TSPAN32: variants seen among roughly 807,000 people sequenced by gnomAD.
TSPAN32 encodes tetraspanin-32.
TSPAN32 carries 47 observed loss-of-function variants against 42.7 expected under a neutral mutation model. The ratio of observed to expected loss-of-function variants is 1.10; its 90% CI spans 0.87 to 1.40. The LOEUF (loss-of-function observed/expected upper bound fraction) is 1.40, where lower values mean the gene tolerates loss of function less well. TSPAN32 is among the 40% of genes most tolerant of loss of function. The probability of loss-of-function intolerance (pLI) is 0.00; values close to 1 mark genes in which losing one functional copy is unlikely to be tolerated. For synonymous variants in TSPAN32, 175 were observed against 175.9 expected, an observed-to-expected ratio of 0.99 and a Z score of 0.04; for missense variants, 469 against 424.1, an observed-to-expected ratio of 1.11 and a Z score of -0.93.
Position 2,317,616 on chromosome 11 carries a change from A to C in TSPAN32, c.901+91A>C. 1 of 1,498,310 alleles carries C rather than the reference A, an allele frequency of 6.7e-7. No individual in the cohort carries two copies. Among genetic ancestry groups the C allele is most frequent in the South Asian group, 1.3e-5 (1 of 78,454 alleles). The allele number at this position is 1,498,310 out of a possible 1,614,324, so 92.8% of individuals were successfully genotyped here. Reference sequence around the variant, plus strand: ...GAAGGGAGTGAAGGCCCAGCCAGAGAGCCAGGCTCCATTGGGAACAGATGC... The same window carrying C: ...GAAGGGAGTGAAGGCCCAGCCAGAGCGCCAGGCTCCATTGGGAACAGATGC... On this transcript the variant is annotated intron_variant, in intron 9 of 9. Coordinates refer to ENST00000182290, the MANE Select transcript of TSPAN32 (RefSeq NM_139022.3). The surrounding 1 kb of genome is among the most constrained non-coding windows in gnomAD (Gnocchi z 6.2).
intron 6 of TSPAN32, chr11:2,315,279 G>A (rs1380115943): frequency 1.7e-6 from 2 of 1,188,974 alleles, no homozygotes; most frequent in Non-Finnish European, 2.1e-6. Flanking sequence ...AAGAAACAGA[G>A]GGGAGGAGAG....
rs1410759569 is a variant in TSPAN32, at chr11:2,313,622, G to A, written c.355-32G>A. The A allele has an allele frequency of 6.4e-7, 1 of 1,560,254 alleles. No homozygotes were observed. On this transcript the variant is annotated intron_variant, in intron 4 of 9. Transcript: ENST00000182290. The surrounding 1 kb of genome is among the most constrained non-coding windows in gnomAD (Gnocchi z 9.1). ...GCTGTGTCCCCGGATCTCCCACCAG[G>A]GCCAGGACCTCCCTGTGGTCTCTCG...
intron 6 of TSPAN32, chr11:2,315,880 G>C (rs939291775): frequency 7.0e-7 from 1 of 1,425,480 alleles, no homozygotes; most frequent in African/African-American, 1.4e-5. Flanking sequence ...TGCTGTGCCC[G>C]GCCCTGGGCT....
In TSPAN32 at chr11:2,316,603, C is replaced by T; in HGVS notation, c.655C>T (p.Leu219=). ...GTCCGCCTTGCTCTTCAGCTCCTTC[C>T]TGTGGTTTGCCATCCGCTGTGGCTG... ...TVSALLFSSF[L]WFAIRCGCSL... Residue 219 remains leucine (L), a synonymous_variant, in exon 8 of 10, where the codon CTG becomes TTG. Transcript: ENST00000182290. 6.4e-7 allele frequency: 1 copy of T among 1,560,684 alleles called. No individual in the cohort carries two copies. Among genetic ancestry groups the T allele is most frequent in the Non-Finnish European group, 8.7e-7 (1 of 1,151,142 alleles).
At chr11:2,308,098 G>C (rs1441980290) in intron 3 of TSPAN32, among the ~76,000 whole-genome samples, 3 of 152,160 alleles carry the variant, frequency 2.0e-5, no homozygotes. Flanking sequence ...CTTCTCAGGG[G>C]TGCCCTGCCC....
chr11:2,308,234 A>G (rs1848225945), intron 3 of TSPAN32, among the ~76,000 whole-genome samples: 5 of 152,092 alleles, frequency 3.3e-5, no homozygotes. Flanking sequence ...CCACGCACCC[A>G]GCGCCCACGC....
In TSPAN32 at chr11:2,304,995, G is replaced by T. The variant is rs1269069408; in HGVS notation, c.279+791G>T. ...TCCCCTTTCCAGCCATGAGGAGCTTGTGCTGGGGGCTTTGCTTCCCTGTTT... is the reference window on the plus strand; with the variant it reads ...TCCCCTTTCCAGCCATGAGGAGCTTTTGCTGGGGGCTTTGCTTCCCTGTTT... On this transcript the variant is annotated intron_variant, in intron 3 of 9. Coordinates refer to ENST00000182290, the MANE Select transcript of TSPAN32 (RefSeq NM_139022.3). The surrounding 1 kb of genome is among the most constrained non-coding windows in gnomAD (Gnocchi z 4.8). Among the ~76,000 whole-genome samples, 1 of 152,196 alleles carries T rather than the reference G, an allele frequency of 6.6e-6. No individual in the cohort carries two copies. Among genetic ancestry groups the T allele is most frequent in the Non-Finnish European group, 1.5e-5 (1 of 68,040 alleles).
In TSPAN32 at chr11:2,315,665, C is replaced by T; in HGVS notation, c.544-564C>T. ...CCCTGCGGAGGCCTCCACAGGCCGC[C>T]CCAGTTGCCATCATCTCCAGGGTTC... On this transcript the variant is annotated intron_variant, in intron 6 of 9. Coordinates refer to ENST00000182290, the MANE Select transcript of TSPAN32 (RefSeq NM_139022.3). 6 of 1,191,168 alleles carry T rather than the reference C, an allele frequency of 5.0e-6. No individual in the cohort carries two copies. In the South Asian group the frequency reaches 6.1e-5, roughly 12 times the overall value. The allele number at this position is 1,191,168 out of a possible 1,614,324, so 73.8% of individuals were successfully genotyped here.
At position 2,304,071 on chromosome 11, in the gene TSPAN32, G is replaced by T. The variant is rs775440619; in HGVS notation, c.182-36G>T. ...TGTGTGCACTCAGGACCTGTCCTGGGCACCCCTAACCCTCCTCCTCTCTCC... is the reference window on the plus strand; with the variant it reads ...TGTGTGCACTCAGGACCTGTCCTGGTCACCCCTAACCCTCCTCCTCTCTCC... On this transcript the variant is annotated intron_variant, in intron 2 of 9. Coordinates refer to ENST00000182290, the MANE Select transcript of TSPAN32 (RefSeq NM_139022.3). This position sits in a 1 kb window ranked among gnomAD's most constrained non-coding sequence, Gnocchi z 4.8. 1 of 1,513,326 alleles carries T rather than the reference G, an allele frequency of 6.6e-7. No individual in the cohort carries two copies. Among genetic ancestry groups the T allele is most frequent in the African/African-American group, 1.4e-5 (1 of 72,330 alleles). The allele number at this position is 1,513,326 out of a possible 1,614,324, so 93.7% of individuals were successfully genotyped here. A position where few individuals can be genotyped will look rare whatever the true frequency, so the allele number is the denominator to read the frequency against.
chr11:2,306,054 G>A (rs990605893), intron 3 of TSPAN32, among the ~76,000 whole-genome samples: 1 of 151,918 alleles, frequency 6.6e-6, no homozygotes, highest in South Asian at 2.1e-4. Flanking sequence ...CTCTGTGTGT[G>A]TGTGTGTGTG....
intron 4 of TSPAN32, among the ~76,000 whole-genome samples, chr11:2,310,253 C>T (rs1429997281): frequency 6.6e-6 from 1 of 152,122 alleles, no homozygotes; most frequent in Non-Finnish European, 1.5e-5. Flanking sequence ...TGGCTCTGAT[C>T]GTGGAGCCAC....
intron 3 of TSPAN32, among the ~76,000 whole-genome samples, chr11:2,305,376 C>CCG (rs1554938625): frequency 1.3e-5 from 2 of 150,340 alleles, no homozygotes; most frequent in African/African-American, 4.9e-5. Flanking sequence ...GTCTGCCCCC[C>CCG]CCCCCAGAGG....
chr11:2,312,104 C>T (rs1287439981), intron 4 of TSPAN32, among the ~76,000 whole-genome samples: 1 of 152,216 alleles, frequency 6.6e-6, no homozygotes, highest in Non-Finnish European at 1.5e-5. Flanking sequence ...CAGCCACTAG[C>T]AGGAGTTGTC....
In TSPAN32 at chr11:2,306,049, T is replaced by TGTGTGTGTGC. The variant is rs1554938848; in HGVS notation, c.279+1854_279+1855insCGTGTGTGTG. 5.3e-3 allele frequency among the ~76,000 whole-genome samples: 794 copies of TGTGTGTGTGC among 151,028 alleles called. 14 individuals are homozygous for TGTGTGTGTGC. Among genetic ancestry groups the TGTGTGTGTGC allele is most frequent in the African/African-American group, 0.018 (755 of 41,034 alleles). On this transcript the variant is annotated intron_variant, in intron 3 of 9. Transcript: ENST00000182290. Reference sequence around the variant, plus strand: ...GTGTGTGCGTGTGCAGGTGCCTCTGTGTGTGTGTGTGTGTGTGTGTGTAAG... The same window carrying TGTGTGTGTGC: ...GTGTGTGCGTGTGCAGGTGCCTCTGTGTGTGTGTGCGTGTGTGTGTGTGTGTGTGTGTAAG...
chr11:2,315,257 T>A (rs1260582359), intron 6 of TSPAN32: 2 of 1,196,658 alleles, frequency 1.7e-6, no homozygotes, highest in Non-Finnish European at 2.1e-6. Context: ...GGGAGGCACC[T>A]GGCGACCCTC....
In TSPAN32 at chr11:2,317,615, G is replaced by C. The variant is rs959776751; in HGVS notation, c.901+90G>C. Reference sequence around the variant, plus strand: ...GGAAGGGAGTGAAGGCCCAGCCAGAGAGCCAGGCTCCATTGGGAACAGATG... The same window carrying C: ...GGAAGGGAGTGAAGGCCCAGCCAGACAGCCAGGCTCCATTGGGAACAGATG... On this transcript the variant is annotated intron_variant, in intron 9 of 9. Coordinates refer to ENST00000182290, the MANE Select transcript of TSPAN32 (RefSeq NM_139022.3). This position sits in a 1 kb window ranked among gnomAD's most constrained non-coding sequence, Gnocchi z 6.2. 22 of 1,499,180 alleles carry C rather than the reference G, an allele frequency of 1.5e-5. No individual in the cohort carries two copies. Among genetic ancestry groups the C allele is most frequent in the South Asian group, 2.5e-5 (2 of 78,600 alleles). 92.9% of individuals were successfully genotyped at this position (1,499,180 alleles called of 1,614,324 possible).
rs1848662997 is a variant in TSPAN32, at chr11:2,314,525, G to A, written c.497G>A (p.Gly166Glu). Residue 166 changes from glycine (G) to glutamate (E), a missense_variant, in exon 6 of 10, where the codon GGG becomes GAG. Physicochemically the swap from Gly to Glu is moderately conservative, Grantham distance 98. Transcript: ENST00000182290. ...CGKKSPFSRLGSTEADLCQGE... is the reference protein window; with the variant it reads ...CGKKSPFSRLESTEADLCQGE... ...AAGAAGTCTCCTTTCAGCCGTCTGG[G>A]GAGCACAGAGGCTGACCTGTGTCAG... 6.2e-7 allele frequency: 1 copy of A among 1,612,482 alleles called. No individual in the cohort carries two copies. The highest frequency in any genetic ancestry group is 8.5e-7 in the Non-Finnish European group (1 of 1,179,420).
In TSPAN32 at chr11:2,313,206, T is replaced by C. The variant is rs545593018; in HGVS notation, c.355-448T>C. Among the ~76,000 whole-genome samples the C allele has an allele frequency of 4.6e-5, 7 of 152,288 alleles. No homozygotes were observed. The East Asian group carries it at 1.4e-3, about 29-fold the overall frequency. On this transcript the variant is annotated intron_variant, in intron 4 of 9. Transcript: ENST00000182290. The surrounding 1 kb of genome is among the most constrained non-coding windows in gnomAD (Gnocchi z 9.1). ...CTTCCAGAAGGCAGCCGGGTGATTC[T>C]TGGGAAAGATCTAGAATCCCCAAGC...
chr11:2,306,371 C>A (rs4930079), intron 3 of TSPAN32, among the ~76,000 whole-genome samples: 1 of 151,966 alleles, frequency 6.6e-6, no homozygotes, highest in Non-Finnish European at 1.5e-5. Context: ...CAAGGAAGCA[C>A]ATTCAATTCG....
Sources: gnomAD v4.1 joint callset for allele counts (sites outside exome capture counted in the v4.1 genomes callset) on GRCh38, gnomAD v4.1.1 for gene constraint, Gnocchi (gnomAD v3.1) non-coding constraint, MANE v1.5 for transcripts, NCBI Gene and HGNC (gene_info 2026-07-23, HGNC 2026-07-21) for gene names.